The following PCDH9 variants were observed in gnomAD, a reference collection of about 807,000 sequenced individuals.
PCDH9 encodes protocadherin-9.
A neutral mutation model predicts 70.6 loss-of-function variants in PCDH9; 24 were observed. That is an observed-to-expected ratio of 0.34 (90% CI 0.25 to 0.48). The LOEUF is 0.48. PCDH9 is among the 20% of genes least tolerant of loss of function. PCDH9 has a pLI of 0.99. For synonymous variants in PCDH9, 562 were observed against 558.5 expected, an observed-to-expected ratio of 1.01 and a Z score of -0.09; for missense variants, 1,281 against 1,503.6, an observed-to-expected ratio of 0.85 and a Z score of 2.45.
At chr13:66,407,604 C>T (rs958740324) in intron 4 of PCDH9, among the ~76,000 whole-genome samples, 2 of 152,126 alleles carry the variant, frequency 1.3e-5, no homozygotes, top group African/African-American at 2.4e-5. Flanking sequence ...CACTTCACTT[C>T]ACTGAGGCAT....
chr13:66,732,350 A>T (rs2079089651), intron 3 of PCDH9, among the ~76,000 whole-genome samples: 1 of 151,884 alleles, frequency 6.6e-6, no homozygotes, highest in Non-Finnish European at 1.5e-5. Flanking sequence ...ACTGTTGAAA[A>T]CTTATTAAAA....
At chr13:67,070,682 T>C (rs1031273524) in intron 2 of PCDH9, among the ~76,000 whole-genome samples, 3 of 152,202 alleles carry the variant, frequency 2.0e-5, no homozygotes, top group Admixed American at 2.0e-4. Context: ...TCTTAATGTA[T>C]ATTTCTCTGT....
chr13:66,827,990 A>G (rs573428436), intron 3 of PCDH9, among the ~76,000 whole-genome samples: 215 of 152,342 alleles, frequency 1.4e-3, no homozygotes, highest in African/African-American at 4.8e-3. Flanking sequence ...GTTAAAAAAT[A>G]TAAAAATAGA....
At chr13:66,642,824 C>A (rs957907173) in intron 3 of PCDH9, among the ~76,000 whole-genome samples, 27 of 151,566 alleles carry the variant, frequency 1.8e-4, no homozygotes, top group African/African-American at 6.3e-4. Flanking sequence ...TGAGAAATCA[C>A]AATATTAAGG....
Position 66,511,999 on chromosome 13 carries a change from T to C in PCDH9, c.3340+119211A>G, listed in dbSNP as rs111397173. 3.7e-3 allele frequency among the ~76,000 whole-genome samples: 571 copies of C among 152,288 alleles called. 6 individuals carry two copies. Among genetic ancestry groups the C allele is most frequent in the African/African-American group, 0.013 (550 of 41,566 alleles). On this transcript the variant is annotated intron_variant, in intron 4 of 4. Coordinates refer to ENST00000377865, the MANE Select transcript of PCDH9 (RefSeq NM_203487.3). ...TGAGTTTTACCTATGTTTGATGATG[T>C]TTAAAATCTCCATTTTGTAAAAAAT... is the stretch of plus-strand genomic sequence containing the variant.
intron 4 of PCDH9, among the ~76,000 whole-genome samples, chr13:66,443,526 A>G (rs1028212920): frequency 6.6e-6 from 1 of 152,190 alleles, no homozygotes; most frequent in African/African-American, 2.4e-5. Flanking sequence ...CATAATTAAT[A>G]GTGACAACAT....
intron 2 of PCDH9, among the ~76,000 whole-genome samples, chr13:67,142,249 A>G (rs1566451641): frequency 6.6e-6 from 1 of 152,204 alleles, no homozygotes. Flanking sequence ...TATAAATTTT[A>G]ATAGACTTTT....
At chr13:67,123,412 A>G (rs1312567520) in intron 2 of PCDH9, among the ~76,000 whole-genome samples, 3 of 152,206 alleles carry the variant, frequency 2.0e-5, no homozygotes, top group Non-Finnish European at 4.4e-5. Context: ...GTTTAAGGCA[A>G]AGAAAGATAC....
intron 3 of PCDH9, among the ~76,000 whole-genome samples, chr13:66,655,452 T>G (rs1411782236): frequency 1.3e-5 from 2 of 152,066 alleles, no homozygotes; most frequent in Non-Finnish European, 2.9e-5. Context: ...TAAGGCAATT[T>G]TGGCTAGAAT....
intron 4 of PCDH9, among the ~76,000 whole-genome samples, chr13:66,606,433 A>G (rs1397326637): frequency 6.6e-6 from 1 of 152,114 alleles, no homozygotes; most frequent in Non-Finnish European, 1.5e-5. Context: ...TGCTTTGGAA[A>G]ATACGATGAA....
intron 2 of PCDH9, among the ~76,000 whole-genome samples, chr13:67,061,603 T>C (rs1260612422): frequency 1.3e-5 from 2 of 152,088 alleles, no homozygotes; most frequent in Non-Finnish European, 2.9e-5. Context: ...TTCCTGGACC[T>C]TTTGTCTTTA....
chr13:66,787,788 A>T (rs2080103379), intron 3 of PCDH9, among the ~76,000 whole-genome samples: 1 of 152,178 alleles, frequency 6.6e-6, no homozygotes, highest in Admixed American at 6.5e-5. Context: ...TTGGCGACCC[A>T]GTGCCATAAC....
rs117396424 is a variant in PCDH9, at chr13:67,196,989, G to A, written c.3036+28416C>T. ...GAGAATGTTAGGCAAAGTCTAGGTT[G>A]GAAACGGGAAGTTGAACAGGAAAAA... On this transcript the variant is annotated intron_variant, in intron 2 of 4. Coordinates refer to ENST00000377865, the MANE Select transcript of PCDH9 (RefSeq NM_203487.3). 4.4e-3 allele frequency among the ~76,000 whole-genome samples: 662 copies of A among 152,094 alleles called. 5 individuals are homozygous for A. Among genetic ancestry groups the A allele is most frequent in the Admixed American group, 7.4e-3 (113 of 15,262 alleles).
chr13:66,985,430 C>T (rs911166239), intron 2 of PCDH9: 1 of 152,066 alleles, frequency 6.6e-6, no homozygotes, highest in African/African-American at 2.4e-5. Context: ...GAATAAGTAA[C>T]TATTCCTAGT....
At chr13:66,633,432 T>C (rs1207179852) in intron 3 of PCDH9, among the ~76,000 whole-genome samples, 1 of 152,172 alleles carries the variant, frequency 6.6e-6, no homozygotes, top group East Asian at 1.9e-4. Flanking sequence ...CTCTTATATA[T>C]ATTTAACTCT....
intron 4 of PCDH9, among the ~76,000 whole-genome samples, chr13:66,536,389 AT>A (rs1960704193): frequency 6.6e-6 from 1 of 152,076 alleles, no homozygotes; most frequent in Non-Finnish European, 1.5e-5. Context: ...ATTTGGTACT[AT>A]TTTTTAAACA....
chr13:67,104,969 T>C (rs943173450), intron 2 of PCDH9, among the ~76,000 whole-genome samples: 2 of 152,214 alleles, frequency 1.3e-5, no homozygotes, highest in Non-Finnish European at 2.9e-5. Context: ...AAATAGTTTT[T>C]GCAATATTTC....
chr13:67,170,371 G>C (rs1402849646), intron 2 of PCDH9, among the ~76,000 whole-genome samples: 1 of 152,110 alleles, frequency 6.6e-6, no homozygotes, highest in Non-Finnish European at 1.5e-5. Flanking sequence ...TTCGCATAAA[G>C]TTTCAAAATG....
intron 2 of PCDH9, chr13:67,202,052 T>C (rs994703120): frequency 6.6e-6 from 1 of 151,970 alleles, no homozygotes; most frequent in Non-Finnish European, 1.5e-5. Context: ...GGAATATAAA[T>C]TATCAAGTTT....
Sources: allele counts gnomAD v4.1 joint callset (sites outside exome capture counted in the v4.1 genomes callset), GRCh38; gene constraint gnomAD v4.1.1; transcripts MANE v1.5; gene names NCBI Gene and HGNC (gene_info 2026-07-23, HGNC 2026-07-21).